The following STK32A variants were observed in gnomAD, a reference collection of about 807,000 sequenced individuals.
STK32A encodes serine/threonine kinase 32A.
In STK32A, 41 loss-of-function variants were observed where a neutral mutation model predicts 53.2. The ratio of observed to expected loss-of-function variants is 0.77; its 90% CI spans 0.60 to 1.00. STK32A has a LOEUF of 1.00. Among genes scored for constraint, STK32A ranks in the 50% least tolerant of loss-of-function variants. The probability of loss-of-function intolerance (pLI) is 0.00; values close to 1 mark genes in which losing one functional copy is unlikely to be tolerated. For missense variants in STK32A, 458 were observed against 485.8 expected, an observed-to-expected ratio of 0.94 and a Z score of 0.54; for synonymous variants, 166 against 162.8, an observed-to-expected ratio of 1.02 and a Z score of -0.15.
intron 5 of STK32A, among the ~76,000 whole-genome samples, chr5:147,331,419 T>C (rs1018944270): frequency 3.9e-5 from 6 of 152,286 alleles, no homozygotes; most frequent in Admixed American, 1.3e-4. Context: ...AATTACCTTC[T>C]TCAAAGGCCC....
At position 147,373,624 on chromosome 5, in the gene STK32A, A is replaced by G. The variant is rs142772337; in HGVS notation, c.903+330A>G. ...CATGAATCTGCTGGGGTTTTTTTTA[A>G]GTTTTCTTTGATTCTAAAGATGCAG... On this transcript the variant is annotated intron_variant, in intron 10 of 12. Coordinates refer to ENST00000397936, the MANE Select transcript of STK32A (RefSeq NM_001112724.2). Among the ~76,000 whole-genome samples the G allele has an allele frequency of 5.3e-3, 811 of 152,154 alleles. 20 individuals carry two copies. The highest frequency in any genetic ancestry group is 2.6e-3 in the Non-Finnish European group (175 of 67,984).
Position 147,387,845 on chromosome 5 carries a change from G to A in STK32A, c.*3862G>A, listed in dbSNP as rs1050603925. On this transcript the variant is annotated 3_prime_UTR_variant, in exon 13 of 13. Transcript: ENST00000397936. ...GCCTATGTGTATTAAAATGTCTTCT[G>A]TAAACAATGAGCCACTGACCCTTCT... The A allele has an allele frequency of 6.6e-6, 1 of 152,170 alleles. No homozygotes were observed. The highest frequency in any genetic ancestry group is 6.5e-5 in the Admixed American group (1 of 15,268). 9.4% of individuals were successfully genotyped at this position (152,170 alleles called of 1,614,324 possible).
At chr5:147,321,007 G>T (rs780720999) in intron 4 of STK32A, among the ~76,000 whole-genome samples, 1 of 152,182 alleles carries the variant, frequency 6.6e-6, no homozygotes, top group African/African-American at 2.4e-5. Flanking sequence ...CCAAGATTAC[G>T]CAGACAGAGC....
intron 8 of STK32A, 101 bp downstream of exon 8, chr5:147,361,715 G>A: frequency 1.2e-6 from 1 of 844,378 alleles, no homozygotes; most frequent in Non-Finnish European, 2.0e-6. Context: ...TCACTTGAAA[G>A]CTGAAATCAG....
At position 147,383,523 on chromosome 5, in the gene STK32A, G is replaced by T; in HGVS notation, c.1097+18G>T. The T allele has an allele frequency of 6.4e-7, 1 of 1,564,100 alleles. No homozygotes were observed. Among genetic ancestry groups the T allele is most frequent in the African/African-American group, 1.4e-5 (1 of 73,814 alleles). ...AGAGAAAAGTAAGTAATTCCTGGGA[G>T]AACAACAGCCCCAGAAATGGTGGCA... On this transcript the variant is annotated intron_variant, in intron 12 of 12. Transcript: ENST00000397936.
At chr5:147,351,181 T>G in intron 7 of STK32A, 27 bp downstream of exon 7, 1 of 1,580,728 alleles carries the variant, frequency 6.3e-7, no homozygotes, top group African/African-American at 1.4e-5. Context: ...TGTCTTTTTT[T>G]TTTCTTTCCT....
intron 7 of STK32A, among the ~76,000 whole-genome samples, chr5:147,358,292 G>A (rs1357092806): frequency 6.6e-6 from 1 of 152,060 alleles, no homozygotes; most frequent in Admixed American, 6.6e-5. Flanking sequence ...GCCAAGTGTG[G>A]GTAAGGATGT....
intron 5 of STK32A, among the ~76,000 whole-genome samples, chr5:147,337,438 C>T (rs1486929690): frequency 2.0e-5 from 3 of 152,144 alleles, no homozygotes; most frequent in Non-Finnish European, 4.4e-5. Context: ...GCGCATCTGG[C>T]ACACAGGGTT....
chr5:147,400,991 C>T, the STK32A span, among the ~76,000 whole-genome samples: 1 of 152,198 alleles, frequency 6.6e-6, no homozygotes, highest in Admixed American at 6.5e-5. Flanking sequence ...GGATGAGTTT[C>T]TTCCCCTCCC....
chr5:147,257,029 A>G (rs904903774), intron 2 of STK32A, among the ~76,000 whole-genome samples: 10 of 152,190 alleles, frequency 6.6e-5, no homozygotes, highest in Non-Finnish European at 7.3e-5. Flanking sequence ...ACTGGCTTAG[A>G]AAAGGGGAAG....
intron 4 of STK32A, among the ~76,000 whole-genome samples, chr5:147,286,618 A>T (rs529038353): frequency 9.2e-5 from 14 of 151,994 alleles, no homozygotes; most frequent in Admixed American, 3.3e-4. Flanking sequence ...TTTCATCTTC[A>T]TCCCTACTGT....
At chr5:147,352,876 T>A (rs1056574213) in intron 7 of STK32A, among the ~76,000 whole-genome samples, 3 of 152,102 alleles carry the variant, frequency 2.0e-5, no homozygotes, top group Admixed American at 1.3e-4. Context: ...CAGGCTGTGA[T>A]CCACCTTCAC....
At chr5:147,319,673 G>T (rs920597894) in intron 4 of STK32A, among the ~76,000 whole-genome samples, 6 of 152,158 alleles carry the variant, frequency 3.9e-5, no homozygotes, top group African/African-American at 1.4e-4. Flanking sequence ...TGTACTTAAT[G>T]AATAGGACAG....
chr5:147,263,492 A>C (rs1754673901), intron 2 of STK32A, among the ~76,000 whole-genome samples: 1 of 152,194 alleles, frequency 6.6e-6, no homozygotes, highest in Non-Finnish European at 1.5e-5. Flanking sequence ...AAGTATAAGA[A>C]AGGTAAGAGA....
downstream of STK32A, among the ~76,000 whole-genome samples, chr5:147,390,501 AC>A (rs1439088763): frequency 1.3e-5 from 2 of 151,592 alleles, no homozygotes; most frequent in African/African-American, 4.8e-5. Flanking sequence ...AAAACCCAAA[AC>A]AAAAAGCTTT....
Position 147,385,980 on chromosome 5 carries a change from C to T in STK32A, c.*1997C>T, listed in dbSNP as rs568508179. On this transcript the variant is annotated 3_prime_UTR_variant, in exon 13 of 13. Transcript: ENST00000397936. ...CCATAAAGAGGTTACACTGGGGCAA[C>T]CAAGTATGTGTAGAAAGCCAGAGCT... The T allele has an allele frequency of 7.2e-5, 11 of 152,280 alleles. No homozygotes were observed. The South Asian group carries it at 2.3e-3, about 32-fold the overall frequency. 9.4% of individuals were successfully genotyped at this position (152,280 alleles called of 1,614,324 possible). A position where few individuals can be genotyped will look rare whatever the true frequency, so the allele number is the denominator to read the frequency against.
the STK32A span, chr5:147,401,920 T>C: frequency 4.5e-6 from 2 of 443,334 alleles, no homozygotes; most frequent in South Asian, 4.5e-5. Flanking sequence ...GGTTGTTAGA[T>C]GCAGTGTTAA....
intron 2 of STK32A, among the ~76,000 whole-genome samples, chr5:147,261,238 GAATATAAAATTTTCTTTTT>G (rs1754557189): frequency 6.6e-6 from 1 of 152,140 alleles, no homozygotes; most frequent in Admixed American, 6.5e-5. Context: ...AATAGCACTC[GAATATAAAATTTTCTTTTT>G]AATTCTCTGC....
In STK32A at chr5:147,384,136, A is replaced by C; in HGVS notation, c.*153A>C. On this transcript the variant is annotated 3_prime_UTR_variant, in exon 13 of 13. Coordinates refer to ENST00000397936, the MANE Select transcript of STK32A (RefSeq NM_001112724.2). Reference sequence around the variant, plus strand: ...CAAAAAAGGCAGCACAACACAGTGAAGGGTCCTGGGCCTGAGCTCCTGGGA... The same window carrying C: ...CAAAAAAGGCAGCACAACACAGTGACGGGTCCTGGGCCTGAGCTCCTGGGA... The C allele has an allele frequency of 6.8e-7, 1 of 1,478,152 alleles. No individual in the cohort carries two copies. Among genetic ancestry groups the C allele is most frequent in the Non-Finnish European group, 8.9e-7 (1 of 1,127,802 alleles). The allele number at this position is 1,478,152 out of a possible 1,614,324, so 91.6% of individuals were successfully genotyped here. A position where few individuals can be genotyped will look rare whatever the true frequency, so the allele number is the denominator to read the frequency against.
Sources: allele counts gnomAD v4.1 joint callset (sites outside exome capture counted in the v4.1 genomes callset), GRCh38; gene constraint gnomAD v4.1.1; transcripts MANE v1.5; gene names NCBI Gene and HGNC (gene_info 2026-07-23, HGNC 2026-07-21).